TTK: variants seen among roughly 807,000 people sequenced by gnomAD.
TTK encodes the protein dual specificity protein kinase TTK.
In TTK, 59 loss-of-function variants were observed where a neutral mutation model predicts 117.3. That is an observed-to-expected ratio of 0.50 (90% CI 0.41 to 0.62). TTK has a LOEUF of 0.62. Ranked by LOEUF, TTK falls within the 20% of genes least tolerant of loss-of-function variation. The probability of loss-of-function intolerance (pLI) is 0.00; values close to 1 mark genes in which losing one functional copy is unlikely to be tolerated. For synonymous variants in TTK, 302 were observed against 325.0 expected, an observed-to-expected ratio of 0.93 and a Z score of 0.76; for missense variants, 921 against 989.4, an observed-to-expected ratio of 0.93 and a Z score of 0.93.
chr6:80,009,631 T>G (rs978226534), intron 4 of TTK, among the ~76,000 whole-genome samples: 1 of 152,066 alleles, frequency 6.6e-6, no homozygotes, highest in Admixed American at 6.6e-5. Flanking sequence ...GAGTTATCTG[T>G]AAAAAAGACG....
At chr6:80,034,554 C>T (rs1767844262) in intron 14 of TTK, among the ~76,000 whole-genome samples, 2 of 152,134 alleles carry the variant, frequency 1.3e-5, no homozygotes, top group Non-Finnish European at 2.9e-5. Context: ...ACTCAAACTG[C>T]TGGGCTCAAG....
intron 17 of TTK, among the ~76,000 whole-genome samples, chr6:80,036,926 G>A (rs963373588): frequency 2.0e-5 from 3 of 152,004 alleles, no homozygotes; most frequent in African/African-American, 7.2e-5. Flanking sequence ...TAGCAAAGAG[G>A]GAGTTGCAGT....
intron 4 of TTK, among the ~76,000 whole-genome samples, chr6:80,010,515 T>G (rs1335893435): frequency 4.0e-5 from 6 of 151,080 alleles, no homozygotes; most frequent in African/African-American, 1.5e-4. Context: ...ACTGCTTTGT[T>G]ACACTTCTGT....
At chr6:80,040,164 G>C (rs1431200727) in intron 19 of TTK, 32 bp from the exon 20 acceptor site, 3 of 1,487,852 alleles carry the variant, frequency 2.0e-6, no homozygotes, top group Non-Finnish European at 1.8e-6. Flanking sequence ...AACCTGCTTT[G>C]TTTTTCTTTT....
At chr6:80,013,424 A>G in intron 9 of TTK, 58 bp downstream of exon 9, 1 of 1,377,630 alleles carries the variant, frequency 7.3e-7, no homozygotes, top group Non-Finnish European at 1.0e-6. Context: ...GAGGATCAGT[A>G]TTCATGGAGC....
At position 80,025,448 on chromosome 6, in the gene TTK, A is replaced by T. The variant is rs9352789; in HGVS notation, c.1258-930A>T. Among the ~76,000 whole-genome samples the T allele has an allele frequency of 5.2e-4, 79 of 152,340 alleles. 1 individual carries two copies. The East Asian group carries it at 0.013, about 26-fold the overall frequency. ...TAGATAAACCAATATAATCCAAATT[A>T]TCTGCAAATATTTTCTAATAACTAA... On this transcript the variant is annotated intron_variant, in intron 11 of 21. Coordinates refer to ENST00000369798, the MANE Select transcript of TTK (RefSeq NM_003318.5).
intron 12 of TTK, among the ~76,000 whole-genome samples, chr6:80,026,973 G>A (rs573901208): frequency 6.6e-6 from 1 of 152,316 alleles, no homozygotes; most frequent in East Asian, 1.9e-4. Context: ...ATTCAAAGGT[G>A]TAGTATTTGA....
At position 80,011,452 on chromosome 6, in the gene TTK, C is replaced by T. The variant is rs1180481429; in HGVS notation, c.632C>T (p.Ala211Val). The change falls in exon 6 of 22, where the codon GCC (alanine) becomes GTC (valine). Residue 211 changes from alanine to valine, a missense_variant. Ala to Val is a moderately conservative substitution (Grantham distance 64). Coordinates refer to ENST00000369798, the MANE Select transcript of TTK (RefSeq NM_003318.5). ...KNLSASTVLT[A>V]QESFSGSLGH... ...TTTACAGCATCTACGGTATTAACTGCCCAAGAATCATTTTCCGGTTCACTT... is the reference window on the plus strand; with the variant it reads ...TTTACAGCATCTACGGTATTAACTGTCCAAGAATCATTTTCCGGTTCACTT... 6.2e-7 allele frequency: 1 copy of T among 1,602,384 alleles called. No individual in the cohort carries two copies. The highest frequency in any genetic ancestry group is 1.3e-5 in the African/African-American group (1 of 74,252).
chr6:80,035,240 TG>T (rs1175303438), intron 15 of TTK, 25 bp from the exon 16 acceptor site: 1 of 1,564,376 alleles, frequency 6.4e-7, no homozygotes, highest in South Asian at 1.2e-5. Flanking sequence ...TTTATTGTTT[TG>T]TTGCTTTTAT....
chr6:80,021,004 C>T (rs77258207), intron 10 of TTK, among the ~76,000 whole-genome samples: 2,018 of 152,284 alleles, frequency 0.013, 56 homozygotes, highest in African/African-American at 0.046. Context: ...GCATTGGGTC[C>T]AGATGGCAAA....
intron 8 of TTK, among the ~76,000 whole-genome samples, chr6:80,012,597 A>G (rs1430125708): frequency 6.6e-6 from 1 of 152,048 alleles, no homozygotes; most frequent in Non-Finnish European, 1.5e-5. Context: ...TAATATTTAT[A>G]TTGGAAAAGG....
rs974763384 is a variant in TTK, at chr6:80,027,758, A to C, written c.1395-127A>C. On this transcript the variant is annotated intron_variant, in intron 12 of 21. Transcript: ENST00000369798. ...TGGAATAAGTGTCAGCTATATCATGAAAACTAACTTGGGTTCTGTTTGATG... is the reference window on the plus strand; with the variant it reads ...TGGAATAAGTGTCAGCTATATCATGCAAACTAACTTGGGTTCTGTTTGATG... The C allele has an allele frequency of 8.1e-6, 5 of 617,654 alleles. No homozygotes were observed. In the African/African-American group the frequency reaches 9.6e-5, roughly 12 times the overall value. 38.3% of individuals were successfully genotyped at this position (617,654 alleles called of 1,614,324 possible).
At chr6:80,038,200 A>C (rs1436667273) in intron 18 of TTK, among the ~76,000 whole-genome samples, 153 bp downstream of exon 18, 1 of 152,102 alleles carries the variant, frequency 6.6e-6, no homozygotes, top group African/African-American at 2.4e-5. Context: ...TCCAATTCTT[A>C]CTATTTTTCA....
rs201335377 is a variant in TTK, at chr6:80,017,282, CTT to C, written c.1108+2700_1108+2701del. On this transcript the variant is annotated intron_variant, in intron 10 of 21. Transcript: ENST00000369798. ...TTTTCTGTTCTATATTCATTTTTGT[CTT>C]TTTCTTTTTTTGAGACAGGGTCTTG... Among the ~76,000 whole-genome samples, 914 of 151,952 alleles carry C rather than the reference CTT, an allele frequency of 6.0e-3. 16 individuals carry two copies. The highest frequency in any genetic ancestry group is 0.033 in the Admixed American group (499 of 15,256).
intron 9 of TTK, among the ~76,000 whole-genome samples, chr6:80,014,096 T>C (rs1767239760): frequency 6.6e-6 from 1 of 152,168 alleles, no homozygotes; most frequent in African/African-American, 2.4e-5. Flanking sequence ...TTTTGACTTA[T>C]TTTTGGTGAT....
At position 80,007,801 on chromosome 6, in the gene TTK, T is replaced by A; in HGVS notation, c.140-8T>A. On this transcript the variant is annotated splice_polypyrimidine_tract_variant and splice_region_variant and intron_variant, in intron 2 of 21. Transcript: ENST00000369798. Reference sequence around the variant, plus strand: ...TTTCTTGTGATATATTTTGTTCCCCTTATTTAGATAACTCGGGAACTGTTA... The same window carrying A: ...TTTCTTGTGATATATTTTGTTCCCCATATTTAGATAACTCGGGAACTGTTA... 6 of 1,597,634 alleles carry A rather than the reference T, an allele frequency of 3.8e-6. No individual in the cohort carries two copies. Among genetic ancestry groups the A allele is most frequent in the Non-Finnish European group, 5.1e-6 (6 of 1,171,400 alleles).
At chr6:80,018,045 T>C (rs1170847426) in intron 10 of TTK, among the ~76,000 whole-genome samples, 5 of 151,836 alleles carry the variant, frequency 3.3e-5, no homozygotes, top group Non-Finnish European at 7.4e-5. Context: ...TGTGGTGGTA[T>C]GTACCTGTGG....
intron 17 of TTK, among the ~76,000 whole-genome samples, chr6:80,037,347 C>G (rs955887246): frequency 1.3e-5 from 2 of 151,990 alleles, no homozygotes; most frequent in Non-Finnish European, 2.9e-5. Flanking sequence ...TTGACAATAT[C>G]TTCCATGTCA....
chr6:80,021,700 G>C (rs1767462846), intron 10 of TTK, among the ~76,000 whole-genome samples: 1 of 152,156 alleles, frequency 6.6e-6, no homozygotes, highest in Admixed American at 6.5e-5. Flanking sequence ...CCCATCTGGA[G>C]GTATGGTTTG....
Sources: gnomAD v4.1 joint callset for allele counts (sites outside exome capture counted in the v4.1 genomes callset) on GRCh38, gnomAD v4.1.1 for gene constraint, MANE v1.5 for transcripts, NCBI Gene and HGNC (gene_info 2026-07-23, HGNC 2026-07-21) for gene names.